The following IMMP2L variants were observed in gnomAD, a reference collection of about 807,000 sequenced individuals.
The protein encoded by IMMP2L is mitochondrial inner membrane protease subunit 2.
IMMP2L carries 18 observed loss-of-function variants against 19.3 expected under a neutral mutation model. That is an observed-to-expected ratio of 0.93 (90% CI 0.64 to 1.38). The LOEUF (loss-of-function observed/expected upper bound fraction) is 1.38. IMMP2L is among the 40% of genes most tolerant of loss of function. The pLI is 0.00. For missense variants in IMMP2L, 233 were observed against 218.2 expected (o/e 1.07, Z -0.43); for synonymous variants, 76 against 73.0 (o/e 1.04, Z -0.21).
intron 5 of IMMP2L, among the ~76,000 whole-genome samples, chr7:110,832,266 A>G (rs961368187): frequency 1.5e-5 from 2 of 132,480 alleles, no homozygotes; most frequent in African/African-American, 5.0e-5. Flanking sequence ...CTCAAAACAA[A>G]CAAAGAAAAA....
chr7:110,855,753 A>G (rs540172171), intron 5 of IMMP2L, among the ~76,000 whole-genome samples: 2 of 151,972 alleles, frequency 1.3e-5, no homozygotes, highest in African/African-American at 4.8e-5. Flanking sequence ...ATTTCTTGCC[A>G]AACATATCTC....
In IMMP2L at chr7:110,663,040, A is replaced by G. The variant is rs1791190907; in HGVS notation, c.*562T>C. On this transcript the variant is annotated 3_prime_UTR_variant, in exon 6 of 6. Coordinates refer to ENST00000405709, the MANE Select transcript of IMMP2L (RefSeq NM_032549.4). ...GTACTCAATGAGAATTAAATACTCA[A>G]AACAGGACCTTAGCAAATCATTGTT... 1 of 153,302 alleles carries G rather than the reference A, an allele frequency of 6.5e-6. No homozygotes were observed. The highest frequency in any genetic ancestry group is 1.5e-5 in the Non-Finnish European group (1 of 68,808). The allele number at this position is 153,302 out of a possible 1,614,324, so 9.5% of individuals were successfully genotyped here. A position where few individuals can be genotyped will look rare whatever the true frequency, so the allele number is the denominator to read the frequency against.
At chr7:110,808,187 A>G (rs1251841358) in intron 5 of IMMP2L, among the ~76,000 whole-genome samples, 1 of 152,062 alleles carries the variant, frequency 6.6e-6, no homozygotes, top group Non-Finnish European at 1.5e-5. Flanking sequence ...ATCTCAGGAC[A>G]TGGTAAGGAC....
chr7:111,323,832 T>C (rs1471189395), intron 3 of IMMP2L, among the ~76,000 whole-genome samples: 1 of 152,112 alleles, frequency 6.6e-6, no homozygotes, highest in Non-Finnish European at 1.5e-5. Context: ...TGAGTTCATG[T>C]CCTTTGTAGG....
intron 3 of IMMP2L, among the ~76,000 whole-genome samples, chr7:111,012,367 C>G (rs1825056430): frequency 6.6e-6 from 1 of 151,984 alleles, no homozygotes; most frequent in African/African-American, 2.4e-5. Flanking sequence ...ATAGTGCGAA[C>G]AGTATTTCAT....
intron 1 of IMMP2L, among the ~76,000 whole-genome samples, chr7:111,543,116 T>C (rs1848628306): frequency 6.6e-6 from 1 of 152,190 alleles, no homozygotes; most frequent in Non-Finnish European, 1.5e-5. Context: ...ATTTACTTAA[T>C]ACTAGAAAAA....
chr7:111,081,776 CCTCTGACTAGGTGTCTGCATAG>C, intron 3 of IMMP2L, among the ~76,000 whole-genome samples: 1 of 152,068 alleles, frequency 6.6e-6, no homozygotes, highest in Non-Finnish European at 1.5e-5. Context: ...GAGGTGGCAA[CCTCTGACTAGGTGTCTGCATAG>C]CAAATTGTAT....
In IMMP2L at chr7:111,429,073, T is replaced by C. The variant is rs1343512390; in HGVS notation, c.239+58165A>G. Among the ~76,000 whole-genome samples, 4 of 152,034 alleles carry C rather than the reference T, an allele frequency of 2.6e-5. No homozygotes were observed. The East Asian group carries it at 7.7e-4, about 29-fold the overall frequency. ...TGCTCAGGACATATGAATGGATGAA[T>C]ATGGTGCTTTCTATCAAATAAAAGA... On this transcript the variant is annotated intron_variant, in intron 3 of 5. Coordinates refer to ENST00000405709, the MANE Select transcript of IMMP2L (RefSeq NM_032549.4).
At chr7:110,948,629 G>A (rs1324012739) in intron 4 of IMMP2L, among the ~76,000 whole-genome samples, 2 of 152,162 alleles carry the variant, frequency 1.3e-5, no homozygotes, top group African/African-American at 2.4e-5. Context: ...TTTTTTGTGA[G>A]CTTTGTCACT....
intron 5 of IMMP2L, among the ~76,000 whole-genome samples, chr7:110,732,182 A>C (rs1657552054): frequency 6.6e-6 from 1 of 152,164 alleles, no homozygotes; most frequent in Non-Finnish European, 1.5e-5. Context: ...GTGGGTAGAG[A>C]GGGAGCTGAA....
At chr7:110,881,325 G>A (rs1336176524) in intron 5 of IMMP2L, among the ~76,000 whole-genome samples, 2 of 152,066 alleles carry the variant, frequency 1.3e-5, no homozygotes, top group Non-Finnish European at 2.9e-5. Flanking sequence ...ATTATATCTA[G>A]GTAAAGCATG....
intron 3 of IMMP2L, among the ~76,000 whole-genome samples, chr7:111,237,399 T>C (rs1252810846): frequency 6.6e-6 from 1 of 152,074 alleles, no homozygotes; most frequent in Non-Finnish European, 1.5e-5. Context: ...TTCACATGTA[T>C]TTTACCTTCA....
In IMMP2L at chr7:111,122,393, T is replaced by C. The variant is rs190112422; in HGVS notation, c.240-158828A>G. On this transcript the variant is annotated intron_variant, in intron 3 of 5. Transcript: ENST00000405709. ...AATTATTGTTCTCTTTTTTCTTTCA[T>C]ATTTCATTTTATTACATTTAGCATC... 1.9e-3 allele frequency: 305 copies of C among 163,234 alleles called. 3 individuals carry two copies. The highest frequency in any genetic ancestry group is 7.0e-3 in the African/African-American group (295 of 42,058). 10.1% of individuals were successfully genotyped at this position (163,234 alleles called of 1,614,324 possible).
chr7:110,691,029 A>C (rs965513045), intron 5 of IMMP2L, among the ~76,000 whole-genome samples: 1 of 152,134 alleles, frequency 6.6e-6, no homozygotes, highest in African/African-American at 2.4e-5. Context: ...CCTAAACAAA[A>C]AGAATAAATC....
intron 5 of IMMP2L, among the ~76,000 whole-genome samples, chr7:110,820,402 T>C (rs890719888): frequency 6.6e-6 from 1 of 152,096 alleles, no homozygotes; most frequent in African/African-American, 2.4e-5. Flanking sequence ...ATTCACCTAA[T>C]AAATCACAAA....
At chr7:111,017,749 A>C (rs995999671) in intron 3 of IMMP2L, among the ~76,000 whole-genome samples, 4 of 152,152 alleles carry the variant, frequency 2.6e-5, no homozygotes, top group Non-Finnish European at 2.9e-5. Flanking sequence ...CCCAGCCCTC[A>C]TTAAGCCAGG....
chr7:110,972,620 C>A (rs1820264599), intron 3 of IMMP2L, among the ~76,000 whole-genome samples: 1 of 151,960 alleles, frequency 6.6e-6, no homozygotes. Flanking sequence ...TTAAAAAAGA[C>A]TGTGAAAGAT....
intron 3 of IMMP2L, among the ~76,000 whole-genome samples, chr7:111,100,706 T>C (rs1267467388): frequency 6.6e-6 from 1 of 151,332 alleles, no homozygotes; most frequent in African/African-American, 2.4e-5. Flanking sequence ...ATTAAGGTTT[T>C]TTTGTTTTTG....
At chr7:110,707,077 C>T (rs2130691560) in intron 5 of IMMP2L, among the ~76,000 whole-genome samples, 1 of 95,490 alleles carries the variant, frequency 1.0e-5, no homozygotes, top group Middle Eastern at 5.3e-3. Context: ...CGTATGTATA[C>T]ATGTGCCATG....
Sources: allele counts gnomAD v4.1 joint callset (sites outside exome capture counted in the v4.1 genomes callset), GRCh38; gene constraint gnomAD v4.1.1; transcripts MANE v1.5; gene names NCBI Gene and HGNC (gene_info 2026-07-23, HGNC 2026-07-21).